Variants in GJB6 observed in about 807,000 individuals in gnomAD.
GJB6 encodes the protein gap junction beta-6 protein.
In GJB6, 5 loss-of-function variants were observed where a neutral mutation model predicts 5.4. That is an observed-to-expected ratio of 0.92 (90% CI 0.48 to 1.93). The LOEUF is 1.93. Among genes scored for constraint, GJB6 ranks in the 30% most tolerant of loss-of-function variants. The pLI, the probability that GJB6 is intolerant of heterozygous loss-of-function variation, is 0.01. For synonymous variants in GJB6, 136 were observed against 129.6 expected (o/e 1.05, Z -0.34); for missense variants, 298 against 326.9 (o/e 0.91, Z 0.68).
In GJB6 at chr13:20,222,867, A is replaced by C; in HGVS notation, c.614T>G (p.Leu205Arg). The change falls in exon 5 of 5, where the codon CTT becomes CGT. Residue 205 changes from leucine (L) to arginine (R), a missense_variant. Physicochemically the swap from Leu to Arg is moderately radical, Grantham distance 102 (BLOSUM62 -2). Coordinates refer to ENST00000647029, the MANE Select transcript of GJB6 (RefSeq NM_001110219.3). Reference protein sequence around the residue: ...MISASVICMLLNVAELCYLLL... With the variant: ...MISASVICMLRNVAELCYLLL... ...CAGGTAGCACAACTCTGCCACGTTAAGCAGCATGCAAATCACAGACGCAGA... is the reference window on the plus strand; with the variant it reads ...CAGGTAGCACAACTCTGCCACGTTACGCAGCATGCAAATCACAGACGCAGA... 2 of 1,614,170 alleles carry C rather than the reference A, an allele frequency of 1.2e-6. No homozygotes were observed. The highest frequency in any genetic ancestry group is 1.7e-6 in the Non-Finnish European group (2 of 1,180,046).
At chr13:20,227,130 C>T (rs981596705) in intron 4 of GJB6, among the ~76,000 whole-genome samples, 4 of 152,126 alleles carry the variant, frequency 2.6e-5, no homozygotes, top group Non-Finnish European at 4.4e-5. Flanking sequence ...TGGGCTTCTC[C>T]CTGTTTTTTT....
intron 4 of GJB6, among the ~76,000 whole-genome samples, chr13:20,228,695 A>T (rs1224707970): frequency 2.7e-5 from 1 of 36,384 alleles, no homozygotes; most frequent in Admixed American, 3.5e-4. Flanking sequence ...CGTGTTAGCC[A>T]GGATGGTCTC....
chr13:20,227,067 C>CA (rs1869635858), intron 4 of GJB6, among the ~76,000 whole-genome samples: 1 of 152,264 alleles, frequency 6.6e-6, no homozygotes, highest in Admixed American at 6.5e-5. Flanking sequence ...AACTCCCCCC[C>CA]AGGAACACTG....
At chr13:20,230,848 G>A (rs1218519569) in intron 2 of GJB6, 41 bp from the exon 3 acceptor site, 1 of 152,186 alleles carries the variant, frequency 6.6e-6, no homozygotes, top group African/African-American at 2.4e-5. Flanking sequence ...AAGAAAAAAA[G>A]CATAAAGTCA....
At chr13:20,226,873 C>G (rs1314832939) in intron 4 of GJB6, among the ~76,000 whole-genome samples, 1 of 152,208 alleles carries the variant, frequency 6.6e-6, no homozygotes, top group African/African-American at 2.4e-5. Flanking sequence ...TAGAATTTAA[C>G]CTCCCCAGCA....
chr13:20,223,519 G>A, intron 4 of GJB6, 24 bp from the exon 5 acceptor site: 5 of 1,582,902 alleles, frequency 3.2e-6, no homozygotes, highest in Non-Finnish European at 4.3e-6. Flanking sequence ...AGTGGGCAAA[G>A]GTTTATTAGT....
At chr13:20,228,678 G>A (rs1381902440) in intron 4 of GJB6, among the ~76,000 whole-genome samples, 1 of 97,308 alleles carries the variant, frequency 1.0e-5, no homozygotes, top group Admixed American at 1.0e-4. Context: ...TAGAGACGGG[G>A]TTTCACCGTG....
In GJB6 at chr13:20,221,992, T is replaced by C. The variant is rs998669514; in HGVS notation, c.*703A>G. 4.6e-5 allele frequency: 7 copies of C among 152,560 alleles called. No homozygotes were observed. Among genetic ancestry groups the C allele is most frequent in the African/African-American group, 9.6e-5 (4 of 41,464 alleles). 9.5% of individuals were successfully genotyped at this position (152,560 alleles called of 1,614,324 possible). A position where few individuals can be genotyped will look rare whatever the true frequency, so the allele number is the denominator to read the frequency against. On this transcript the variant is annotated 3_prime_UTR_variant, in exon 5 of 5. Transcript: ENST00000647029. The stretch of plus-strand genomic sequence containing the variant: ...GCTTAAGCAATGGGGACGAGCTTTA[T>C]TGAGGCAATCACATCCACATTTCAG...
At position 20,228,303 on chromosome 13, in the gene GJB6, C is replaced by T. The variant is rs576704244; in HGVS notation, c.-16+1277G>A. Among the ~76,000 whole-genome samples, 5 of 152,222 alleles carry T rather than the reference C, an allele frequency of 3.3e-5. No individual in the cohort carries two copies. In the South Asian group the frequency reaches 1.0e-3, roughly 32 times the overall value. On this transcript the variant is annotated intron_variant, in intron 4 of 4. Coordinates refer to ENST00000647029, the MANE Select transcript of GJB6 (RefSeq NM_001110219.3). ...CCAGAGAGGTTCATTTTAACTGATG[C>T]CTCTCTGGCTGTCTTTTAAGGAAAG...
intron 4 of GJB6, among the ~76,000 whole-genome samples, chr13:20,227,253 A>G (rs1226568540): frequency 6.6e-6 from 1 of 152,272 alleles, no homozygotes; most frequent in East Asian, 1.9e-4. Context: ...GCAAAACTGA[A>G]CAGAATATAA....
In GJB6 at chr13:20,231,450, C is replaced by CT. The variant is rs1870081030; in HGVS notation, c.-365_-364insA. On this transcript the variant is annotated 5_prime_UTR_variant, in exon 2 of 5. Transcript: ENST00000647029. ...GCAAAACACAGGATGCCCGTGACAC[C>CT]GGAGACAGGTCTTCTTCACCGACAG... 6.6e-6 allele frequency: 1 copy of CT among 152,204 alleles called. No homozygotes were observed. The highest frequency in any genetic ancestry group is 1.5e-5 in the Non-Finnish European group (1 of 68,050). 9.4% of individuals were successfully genotyped at this position (152,204 alleles called of 1,614,324 possible). A position where few individuals can be genotyped will look rare whatever the true frequency, so the allele number is the denominator to read the frequency against.
rs1383040168 is a variant in GJB6 at position 20,222,526 on chromosome 13, T to C, written c.*169A>G. ...GAGATGGACCACATATTTGATTACG[T>C]TGTGTATGAATGGAGCAAGTATCCT... On this transcript the variant is annotated 3_prime_UTR_variant, in exon 5 of 5. Coordinates refer to ENST00000647029, the MANE Select transcript of GJB6 (RefSeq NM_001110219.3). The C allele has an allele frequency of 1.1e-5, 7 of 628,266 alleles. No individual in the cohort carries two copies. Among genetic ancestry groups the C allele is most frequent in the Non-Finnish European group, 2.0e-5 (7 of 352,814 alleles). The allele number at this position is 628,266 out of a possible 1,614,324, so 38.9% of individuals were successfully genotyped here.
intron 2 of GJB6, 176 bp downstream of exon 2, chr13:20,231,206 A>G (rs1870059612): frequency 6.6e-6 from 1 of 152,338 alleles, no homozygotes; most frequent in Non-Finnish European, 1.5e-5. Context: ...AAATAGCTGT[A>G]TGGCATAAAG....
At chr13:20,228,545 A>C (rs7339016) in intron 4 of GJB6, among the ~76,000 whole-genome samples, 2 of 150,004 alleles carry the variant, frequency 1.3e-5, no homozygotes, top group African/African-American at 2.5e-5. Flanking sequence ...GTACCGTGGC[A>C]CGATCTCGGC....
At chr13:20,228,523 G>T (rs1245678537) in intron 4 of GJB6, among the ~76,000 whole-genome samples, 1 of 148,092 alleles carries the variant, frequency 6.8e-6, no homozygotes, top group African/African-American at 2.5e-5. Flanking sequence ...TAGCTCTGTT[G>T]CCCAAGCTGG....
rs1194705081 is a variant in GJB6, at chr13:20,229,592, T to C, written c.-28A>G. 1.3e-5 allele frequency: 2 copies of C among 152,076 alleles called. No individual in the cohort carries two copies. Among genetic ancestry groups the C allele is most frequent in the South Asian group, 2.1e-4 (1 of 4,820 alleles). The allele number at this position is 152,076 out of a possible 1,614,324, so 9.4% of individuals were successfully genotyped here. A position where few individuals can be genotyped will look rare whatever the true frequency, so the allele number is the denominator to read the frequency against. ...AAAACAAGCAAACCTGAGTCCTGTTTCCAACGACTGCCAGTGTTTCAGACC... is the reference window on the plus strand; with the variant it reads ...AAAACAAGCAAACCTGAGTCCTGTTCCCAACGACTGCCAGTGTTTCAGACC... On this transcript the variant is annotated 5_prime_UTR_variant, in exon 4 of 5. Coordinates refer to ENST00000647029, the MANE Select transcript of GJB6 (RefSeq NM_001110219.3).
At chr13:20,225,287 T>C (rs1479840152) in intron 4 of GJB6, 1 of 152,398 alleles carries the variant, frequency 6.6e-6, no homozygotes, top group Non-Finnish European at 1.5e-5. Context: ...GGCACTTGTC[T>C]TTCTGGAACT....
At chr13:20,227,060 T>TC (rs953238754) in intron 4 of GJB6, among the ~76,000 whole-genome samples, 93 of 150,948 alleles carry the variant, frequency 6.2e-4, no homozygotes, top group Non-Finnish European at 1.1e-3. Flanking sequence ...AGGTCACAAC[T>TC]CCCCCCCAGG....
intron 3 of GJB6, among the ~76,000 whole-genome samples, chr13:20,230,322 A>C (rs2137357576): frequency 6.6e-6 from 1 of 152,252 alleles, no homozygotes; most frequent in East Asian, 1.9e-4. Context: ...AAAATGGAAA[A>C]CTCATGCAAT....
Sources: allele counts gnomAD v4.1 joint callset (sites outside exome capture counted in the v4.1 genomes callset), GRCh38; gene constraint gnomAD v4.1.1; transcripts MANE v1.5; gene names NCBI Gene and HGNC (gene_info 2026-07-23, HGNC 2026-07-21).